FNDC1: variants seen among roughly 807,000 people sequenced by gnomAD.
FNDC1 encodes fibronectin type III domain containing 1, also known as fibronectin type III domain-containing protein 1.
FNDC1 carries 96 observed loss-of-function variants against 168.0 expected under a neutral mutation model. That is an observed-to-expected ratio of 0.57 (90% CI 0.48 to 0.68). The LOEUF is 0.68. FNDC1 is among the 30% of genes least tolerant of loss of function. The pLI, the probability that FNDC1 is intolerant of heterozygous loss-of-function variation, is 0.00. For missense variants in FNDC1, 2,587 were observed against 2,482.1 expected (o/e 1.04, Z -0.90); for synonymous variants, 1,099 against 1,025.9 (o/e 1.07, Z -1.36).
Position 159,198,972 on chromosome 6 carries a change from G to C in FNDC1, c.305-1024G>C, listed in dbSNP as rs572633457. On this transcript the variant is annotated intron_variant, in intron 2 of 22. Transcript: ENST00000297267. The stretch of plus-strand genomic sequence containing the variant: ...AGTCTTGATCACAGCAGGCATCCCA[G>C]GGGGCATCAGCCAGGCTTCTGTTCA... Among the ~76,000 whole-genome samples, 8 of 152,340 alleles carry C rather than the reference G, an allele frequency of 5.3e-5. No individual in the cohort carries two copies. The South Asian group carries it at 1.7e-3, about 32-fold the overall frequency.
At chr6:159,200,652 C>A in intron 4 of FNDC1, 71 bp downstream of exon 4, 4 of 1,229,698 alleles carry the variant, frequency 3.3e-6, no homozygotes, top group South Asian at 1.4e-5. Context: ...GTTGTGCTTC[C>A]GTCACACACA....
rs566946504 is a variant in FNDC1 at position 159,205,644 on chromosome 6, A to C, written c.460+5063A>C. On this transcript the variant is annotated intron_variant, in intron 4 of 22. Transcript: ENST00000297267. ...AGAGGCTTCTAGGTTCCTTTCTAAG[A>C]ACTTTCTTAGGCTCCAAATTTCTTT... Among the ~76,000 whole-genome samples the C allele has an allele frequency of 1.8e-4, 27 of 152,326 alleles. No homozygotes were observed. In the South Asian group the frequency reaches 5.4e-3, roughly 30 times the overall value.
chr6:159,200,189 T>A, intron 3 of FNDC1, 107 bp downstream of exon 3: 2 of 920,990 alleles, frequency 2.2e-6, no homozygotes, highest in Admixed American at 2.4e-5. Context: ...TTAAATAATT[T>A]TTGAACAAGA....
At chr6:159,183,415 C>T (rs1301972000) in intron 1 of FNDC1, among the ~76,000 whole-genome samples, 1 of 152,188 alleles carries the variant, frequency 6.6e-6, no homozygotes, top group East Asian at 1.9e-4. Context: ...AAACTGTCAT[C>T]CCTCAGACCT....
intron 1 of FNDC1, among the ~76,000 whole-genome samples, chr6:159,195,096 A>G (rs1024837505): frequency 2.0e-5 from 3 of 152,142 alleles, no homozygotes; most frequent in African/African-American, 7.2e-5. Context: ...CCTTAAATTC[A>G]GAGTTGATCT....
At chr6:159,253,028 G>T (rs149143520) in intron 17 of FNDC1, among the ~76,000 whole-genome samples, 16 of 152,240 alleles carry the variant, frequency 1.1e-4, no homozygotes, top group African/African-American at 3.9e-4. Flanking sequence ...TCCTGTAGAG[G>T]TCGGGCTTCT....
intron 18 of FNDC1, 136 bp downstream of exon 18, chr6:159,256,767 C>A: frequency 1.5e-6 from 1 of 679,680 alleles, no homozygotes; most frequent in Non-Finnish European, 2.6e-6. Flanking sequence ...AATAGAATGT[C>A]AATGCATGCT....
intron 18 of FNDC1, among the ~76,000 whole-genome samples, chr6:159,257,589 G>A (rs897273618): frequency 1.3e-5 from 2 of 152,140 alleles, no homozygotes; most frequent in African/African-American, 4.8e-5. Flanking sequence ...GGAGGAGGTT[G>A]GAACAAAATG....
chr6:159,263,782 A>C (rs577343179), intron 19 of FNDC1, among the ~76,000 whole-genome samples: 7 of 152,094 alleles, frequency 4.6e-5, no homozygotes, highest in African/African-American at 1.7e-4. Flanking sequence ...AAGATAAAAT[A>C]AAAATAAAAT....
At chr6:159,252,393 C>T (rs76864601) in intron 17 of FNDC1, among the ~76,000 whole-genome samples, 12,891 of 152,108 alleles carry the variant, frequency 0.085, 1,011 homozygotes, top group East Asian at 0.33. Flanking sequence ...TCTTGGTGTT[C>T]CCACTATTAT....
intron 18 of FNDC1, among the ~76,000 whole-genome samples, chr6:159,257,875 C>T (rs1271114352): frequency 1.4e-5 from 2 of 148,020 alleles, no homozygotes; most frequent in Non-Finnish European, 3.0e-5. Context: ...AAAACAAAAC[C>T]AACAAAATTA....
intron 5 of FNDC1, among the ~76,000 whole-genome samples, chr6:159,220,970 G>A (rs1782810817): frequency 6.6e-6 from 1 of 152,234 alleles, no homozygotes; most frequent in Admixed American, 6.5e-5. Context: ...ATGCTAGTGG[G>A]ACCCTCGGAG....
At chr6:159,201,741 C>A (rs1246932403) in intron 4 of FNDC1, among the ~76,000 whole-genome samples, 1 of 152,140 alleles carries the variant, frequency 6.6e-6, no homozygotes, top group African/African-American at 2.4e-5. Context: ...AGGTTGTTTA[C>A]CTCTGAACAC....
At chr6:159,211,230 G>A (rs867291710) in intron 4 of FNDC1, among the ~76,000 whole-genome samples, 1 of 152,184 alleles carries the variant, frequency 6.6e-6, no homozygotes, top group Non-Finnish European at 1.5e-5. Context: ...GGTGGTCAGC[G>A]CAGTGGGGTG....
intron 14 of FNDC1, among the ~76,000 whole-genome samples, chr6:159,244,226 A>G (rs546438154): frequency 6.6e-6 from 1 of 152,394 alleles, no homozygotes; most frequent in Non-Finnish European, 1.5e-5. Flanking sequence ...CAAAGTTTAC[A>G]GGGTGTGAAC....
Position 159,236,299 on chromosome 6 carries a change from C to T in FNDC1, c.4052C>T (p.Pro1351Leu), listed in dbSNP as rs369348033. Reference sequence around the variant, plus strand: ...AATGGACAGAGAATTATCAATGGCCCTCAAGGAACAAAGTGGGTAGGGTAA... The same window carrying T: ...AATGGACAGAGAATTATCAATGGCCTTCAAGGAACAAAGTGGGTAGGGTAA... ...KPNGQRIING[P>L]QGTKWVVDLD... The change falls in exon 12 of 23, where the codon CCT becomes CTT. Residue 1351 changes from proline to leucine, a missense_variant. Pro to Leu is a moderately conservative substitution (Grantham distance 98). Coordinates refer to ENST00000297267, the MANE Select transcript of FNDC1 (RefSeq NM_032532.3). 2 of 1,613,142 alleles carry T rather than the reference C, an allele frequency of 1.2e-6. No homozygotes were observed. The highest frequency in any genetic ancestry group is 1.7e-6 in the Non-Finnish European group (2 of 1,179,324).
chr6:159,261,229 C>T lies in FNDC1; in HGVS notation c.5214C>T (p.Tyr1738=), dbSNP rs368673779. ...TGCAAGCACAAAATCCTCATGGCTACGGACCTATCAGCCCTTCGGTCTCAT... is the reference window on the plus strand; with the variant it reads ...TGCAAGCACAAAATCCTCATGGCTATGGACCTATCAGCCCTTCGGTCTCAT... ...FKVQAQNPHG[Y]GPISPSVSFV... The change falls in exon 19 of 23, where the codon TAC becomes TAT. Residue 1738 remains tyrosine (Y), a synonymous_variant. Coordinates refer to ENST00000297267, the MANE Select transcript of FNDC1 (RefSeq NM_032532.3). 4.6e-5 allele frequency: 75 copies of T among 1,613,176 alleles called. No individual in the cohort carries two copies. The highest frequency in any genetic ancestry group is 2.9e-4 in the South Asian group (26 of 90,962).
At chr6:159,254,037 G>T (rs1777323820) in intron 17 of FNDC1, among the ~76,000 whole-genome samples, 1 of 152,218 alleles carries the variant, frequency 6.6e-6, no homozygotes, top group African/African-American at 2.4e-5. Context: ...CTCTCCTCTA[G>T]GGAACAGTGT....
intron 4 of FNDC1, among the ~76,000 whole-genome samples, chr6:159,206,487 A>T (rs1782489260): frequency 6.6e-6 from 1 of 152,162 alleles, no homozygotes; most frequent in African/African-American, 2.4e-5. Context: ...CTCAGGAGAC[A>T]TTTGTTCAGT....
Sources: gnomAD v4.1 joint callset for allele counts (sites outside exome capture counted in the v4.1 genomes callset) on GRCh38, gnomAD v4.1.1 for gene constraint, MANE v1.5 for transcripts, NCBI Gene and HGNC (gene_info 2026-07-23, HGNC 2026-07-21) for gene names.